Variants in PLPP1 observed in about 807,000 individuals in gnomAD.
PLPP1 encodes the protein lipid phosphate phosphohydrolase 1a.
A neutral mutation model predicts 31.2 loss-of-function variants in PLPP1; 24 were observed. That is an observed-to-expected ratio of 0.77 (90% CI 0.56 to 1.08). The LOEUF (loss-of-function observed/expected upper bound fraction) is 1.08, where lower values mean the gene tolerates loss of function less well. Among genes scored for constraint, PLPP1 ranks in the 50% least tolerant of loss-of-function variants. The pLI, the probability that PLPP1 is intolerant of heterozygous loss-of-function variation, is 0.00. For synonymous variants in PLPP1, 146 were observed against 126.3 expected (o/e 1.16, Z -1.05); for missense variants, 319 against 342.7 (o/e 0.93, Z 0.55).
In PLPP1 at chr5:55,425,164, T is replaced by G. The variant is rs1304757347; in HGVS notation, c.*42A>C. On this transcript the variant is annotated 3_prime_UTR_variant, in exon 6 of 6. Transcript: ENST00000307259. Reference sequence around the variant, plus strand: ...TCTTGCCTTGTGGCAATCATTTTCCTTTAGAAAACAGGCCAGCTTCACCTG... The same window carrying G: ...TCTTGCCTTGTGGCAATCATTTTCCGTTAGAAAACAGGCCAGCTTCACCTG... 1 of 1,587,238 alleles carries G rather than the reference T, an allele frequency of 6.3e-7. No individual in the cohort carries two copies. Among genetic ancestry groups the G allele is most frequent in the Non-Finnish European group, 8.5e-7 (1 of 1,170,702 alleles).
At chr5:55,470,041 T>G (rs549035471) in intron 2 of PLPP1, among the ~76,000 whole-genome samples, 2 of 152,286 alleles carry the variant, frequency 1.3e-5, no homozygotes, top group African/African-American at 2.4e-5. Flanking sequence ...ATGAATGAAT[T>G]AGTCAGATTC....
intron 1 of PLPP1, chr5:55,530,351 T>C: frequency 7.2e-7 from 1 of 1,379,666 alleles, no homozygotes; most frequent in Non-Finnish European, 1.0e-6. Context: ...CTATCTGAAA[T>C]AAGTGATTAC....
intron 3 of PLPP1, among the ~76,000 whole-genome samples, chr5:55,458,107 C>T (rs1752062239): frequency 6.6e-6 from 1 of 152,072 alleles, no homozygotes. Flanking sequence ...TACTGAAGTC[C>T]CACTTCCATT....
In PLPP1 at chr5:55,467,795, T is replaced by G. The variant is rs1752336660; in HGVS notation, c.491+74A>C. The G allele has an allele frequency of 9.7e-6, 14 of 1,448,114 alleles. No individual in the cohort carries two copies. In the East Asian group the frequency reaches 3.0e-4, roughly 31 times the overall value. The allele number at this position is 1,448,114 out of a possible 1,614,324, so 89.7% of individuals were successfully genotyped here. ...AACTTCTCTTTTTAAGTGCGTGGCT[T>G]ATCTTCCAGTCACTGAAACCTTCTA... On this transcript the variant is annotated intron_variant, in intron 3 of 5. Transcript: ENST00000307259.
intron 3 of PLPP1, among the ~76,000 whole-genome samples, chr5:55,459,637 C>T (rs987386876): frequency 6.6e-6 from 1 of 152,196 alleles, no homozygotes; most frequent in African/African-American, 2.4e-5. Context: ...AAATCGATGA[C>T]AGAAAGATAA....
intron 1 of PLPP1, among the ~76,000 whole-genome samples, chr5:55,525,133 G>A (rs1753752853): frequency 6.6e-6 from 1 of 152,146 alleles, no homozygotes; most frequent in Admixed American, 6.5e-5. Flanking sequence ...ACATTTTAAA[G>A]TTTGTGTTTT....
intron 1 of PLPP1, among the ~76,000 whole-genome samples, chr5:55,503,679 G>A (rs1315885448): frequency 6.6e-6 from 1 of 150,936 alleles, no homozygotes; most frequent in Non-Finnish European, 1.5e-5. Context: ...CTACTCAGGA[G>A]GCTGAAGCAG....
chr5:55,458,532 A>T (rs1315886235), intron 3 of PLPP1, among the ~76,000 whole-genome samples: 1 of 152,194 alleles, frequency 6.6e-6, no homozygotes, highest in Non-Finnish European at 1.5e-5. Context: ...ACTAAAAAAA[A>T]ATTGTTTCAT....
intron 1 of PLPP1, among the ~76,000 whole-genome samples, chr5:55,492,500 G>A (rs893974185): frequency 5.9e-5 from 9 of 152,134 alleles, no homozygotes; most frequent in Non-Finnish European, 1.0e-4. Context: ...ACAGACTGGA[G>A]GAGTTAGAAA....
At chr5:55,433,964 C>A (rs1428364892) in intron 4 of PLPP1, among the ~76,000 whole-genome samples, 2 of 151,818 alleles carry the variant, frequency 1.3e-5, no homozygotes, top group Non-Finnish European at 1.5e-5. Context: ...TGGTGAAACC[C>A]TGTCTTTACT....
chr5:55,440,167 A>G (rs1751590232), intron 4 of PLPP1, among the ~76,000 whole-genome samples: 1 of 152,224 alleles, frequency 6.6e-6, no homozygotes, highest in Admixed American at 6.5e-5. Flanking sequence ...GATTTCTCAT[A>G]AAGAGGGACT....
intron 3 of PLPP1, among the ~76,000 whole-genome samples, chr5:55,445,898 CTTTT>C (rs1008484255): frequency 6.6e-6 from 1 of 152,032 alleles, no homozygotes; most frequent in East Asian, 1.9e-4. Flanking sequence ...AAATTGATGA[CTTTT>C]TTTCTCATCG....
chr5:55,509,495 T>G (rs775015563), intron 1 of PLPP1, among the ~76,000 whole-genome samples: 1 of 152,348 alleles, frequency 6.6e-6, no homozygotes, highest in East Asian at 1.9e-4. Context: ...TCTTTTCTTT[T>G]TTATTTTAAA....
At position 55,446,029 on chromosome 5, in the gene PLPP1, C is replaced by T. The variant is rs550537608; in HGVS notation, c.492-4121G>A. Among the ~76,000 whole-genome samples the T allele has an allele frequency of 2.6e-5, 4 of 152,308 alleles. No individual in the cohort carries two copies. In the East Asian group the frequency reaches 7.7e-4, roughly 29 times the overall value. ...CTTTTCTCTGTAACTGCTTCCTCTC[C>T]TCCTGCCCCCATCAATCAATATTCT... On this transcript the variant is annotated intron_variant, in intron 3 of 5. Transcript: ENST00000307259.
chr5:55,434,983 AT>A (rs944841211), intron 4 of PLPP1, among the ~76,000 whole-genome samples: 1 of 152,166 alleles, frequency 6.6e-6, no homozygotes, highest in Non-Finnish European at 1.5e-5. Flanking sequence ...GGGAGAAAAT[AT>A]TTGCCAAGTA....
intron 1 of PLPP1, among the ~76,000 whole-genome samples, chr5:55,477,396 C>CTTT (rs3070044): frequency 0.06 from 7,984 of 133,284 alleles, 389 homozygotes; most frequent in Middle Eastern, 0.087. Flanking sequence ...TTTTTCTTTT[C>CTTT]TTTTTTTTTT....
At chr5:55,470,129 G>A (rs1316247053) in intron 2 of PLPP1, among the ~76,000 whole-genome samples, 1 of 152,112 alleles carries the variant, frequency 6.6e-6, no homozygotes, top group Non-Finnish European at 1.5e-5. Context: ...TTTGCTTAGG[G>A]TTATCCCTGA....
intron 1 of PLPP1, among the ~76,000 whole-genome samples, chr5:55,476,265 C>T (rs1182633927): frequency 6.6e-6 from 1 of 151,906 alleles, no homozygotes; most frequent in Non-Finnish European, 1.5e-5. Context: ...GATCCTATAG[C>T]CTCAGCCTCC....
chr5:55,529,269 G>GTA (rs34583149), intron 1 of PLPP1, among the ~76,000 whole-genome samples: 130,983 of 150,788 alleles, frequency 0.87, 57,009 homozygotes, highest in South Asian at 0.91. Context: ...ACACACAAAA[G>GTA]TATATATATA....
Sources: allele counts gnomAD v4.1 joint callset (sites outside exome capture counted in the v4.1 genomes callset), GRCh38; gene constraint gnomAD v4.1.1; transcripts MANE v1.5; gene names NCBI Gene and HGNC (gene_info 2026-07-23, HGNC 2026-07-21).